The following ANKHD1 variants were observed in gnomAD, a reference collection of about 807,000 sequenced individuals.
ANKHD1 encodes ankyrin repeat and KH domain containing 1.
ANKHD1 carries 31 observed loss-of-function variants against 230.5 expected under a neutral mutation model. The observed-to-expected ratio is 0.13, with a 90% CI of 0.10 to 0.18. The LOEUF (loss-of-function observed/expected upper bound fraction) is 0.18, where lower values mean the gene tolerates loss of function less well. ANKHD1 is among the 10% of genes least tolerant of loss of function. The pLI, the probability that ANKHD1 is intolerant of heterozygous loss-of-function variation, is 1.00. For synonymous variants in ANKHD1, 1,074 were observed against 1,117.6 expected, an observed-to-expected ratio of 0.96 and a Z score of 0.78; for missense variants, 2,256 against 3,071.3, an observed-to-expected ratio of 0.73 and a Z score of 6.27.
At chr5:140,432,743 C>T (rs1244286701) in intron 1 of ANKHD1, among the ~76,000 whole-genome samples, 3 of 151,956 alleles carry the variant, frequency 2.0e-5, no homozygotes, top group Admixed American at 2.0e-4. Context: ...GTGTCTTGCT[C>T]TGTCATCCAC....
At chr5:140,453,507 C>T (rs1190604514) in intron 7 of ANKHD1, among the ~76,000 whole-genome samples, 1 of 152,150 alleles carries the variant, frequency 6.6e-6, no homozygotes, top group Non-Finnish European at 1.5e-5. Context: ...AGACTAACAG[C>T]GGATCTCTTG....
At chr5:140,486,770 C>G (rs905150710) in intron 13 of ANKHD1, 188 bp from the exon 14 acceptor site, 2 of 443,586 alleles carry the variant, frequency 4.5e-6, no homozygotes, top group Admixed American at 3.7e-5. Flanking sequence ...TTTGTAGATT[C>G]CCCGACTGTC....
chr5:140,475,780 T>TG (rs1750933577), intron 10 of ANKHD1, among the ~76,000 whole-genome samples: 1 of 152,130 alleles, frequency 6.6e-6, no homozygotes, highest in African/African-American at 2.4e-5. Context: ...AAACATCTGA[T>TG]GAGGAGTACA....
At chr5:140,489,272 C>T (rs1278828156) in intron 14 of ANKHD1, among the ~76,000 whole-genome samples, 1 of 151,692 alleles carries the variant, frequency 6.6e-6, no homozygotes, top group Non-Finnish European at 1.5e-5. Context: ...CTTTGGGAGG[C>T]CGAGGCAGAA....
intron 10 of ANKHD1, among the ~76,000 whole-genome samples, chr5:140,480,932 T>A (rs114004684): frequency 6.6e-6 from 1 of 152,196 alleles, no homozygotes; most frequent in Non-Finnish European, 1.5e-5. Flanking sequence ...ATGATTGCAG[T>A]TTATGAAGGA....
chr5:140,466,158 G>T (rs7449225), intron 10 of ANKHD1, among the ~76,000 whole-genome samples: 1 of 152,004 alleles, frequency 6.6e-6, no homozygotes, highest in Non-Finnish European at 1.5e-5. Context: ...TTGGGATGCC[G>T]AGGTGGGTGG....
At chr5:140,513,541 G>C in intron 24 of ANKHD1, 62 bp downstream of exon 24, 1 of 1,543,272 alleles carries the variant, frequency 6.5e-7, no homozygotes, top group Non-Finnish European at 8.8e-7. Flanking sequence ...GGGCACGGTG[G>C]CTCACGCCTA....
At chr5:140,406,195 G>A (rs913445211) in intron 1 of ANKHD1, among the ~76,000 whole-genome samples, 2 of 151,044 alleles carry the variant, frequency 1.3e-5, no homozygotes, top group South Asian at 2.1e-4. Flanking sequence ...CCGAGATCAC[G>A]CCACTGCCCT....
At chr5:140,509,542 C>A in intron 20 of ANKHD1, 95 bp from the exon 21 acceptor site, 1 of 1,367,898 alleles carries the variant, frequency 7.3e-7, no homozygotes, top group Non-Finnish European at 9.5e-7. Context: ...TTAATTGCCT[C>A]AGGTTTTTAA....
At chr5:140,421,489 C>T (rs967510027) in intron 1 of ANKHD1, among the ~76,000 whole-genome samples, 7 of 151,706 alleles carry the variant, frequency 4.6e-5, no homozygotes, top group Admixed American at 1.3e-4. Context: ...TTAGTAGAGA[C>T]GAGGTTTCAC....
At chr5:140,449,175 G>A (rs1365819427) in intron 6 of ANKHD1, 36 bp from the exon 7 acceptor site, 6 of 1,553,980 alleles carry the variant, frequency 3.9e-6, no homozygotes, top group Non-Finnish European at 5.2e-6. Context: ...TAAACTGATA[G>A]TGAATTCTTT....
In ANKHD1 at chr5:140,528,671, A is replaced by G; in HGVS notation, c.5725A>G (p.Asn1909Asp). 1 of 1,614,152 alleles carries G rather than the reference A, an allele frequency of 6.2e-7. No individual in the cohort carries two copies. The highest frequency in any genetic ancestry group is 8.5e-7 in the Non-Finnish European group (1 of 1,180,030). The stretch of plus-strand genomic sequence containing the variant: ...CACAAATAGCTCTCCAAAGCATAAT[A>G]ACACAAGCCGTCTACCTAACCAGAA... ...GNTNSSPKHN[N>D]TSRLPNQNGT... The change falls in exon 29 of 34, where the codon AAC (asparagine) becomes GAC (aspartate). Residue 1909 changes from asparagine (N) to aspartate (D), a missense_variant. Physicochemically the swap from Asn to Asp is conservative, Grantham distance 23. This residue lies in a region of ANKHD1 where 778 missense variants were observed against 966.5 expected (regional missense o/e 0.80). Coordinates refer to ENST00000360839, the MANE Select transcript of ANKHD1 (RefSeq NM_017747.3).
In ANKHD1 at chr5:140,507,498, G is replaced by C. The variant is rs1447049978; in HGVS notation, c.3552-287G>C. Reference sequence around the variant, plus strand: ...AATTTTGTATTTGTAGTAGAGATGGGGTTTCTCCATGTTGGTCAGGCTGGT... The same window carrying C: ...AATTTTGTATTTGTAGTAGAGATGGCGTTTCTCCATGTTGGTCAGGCTGGT... On this transcript the variant is annotated intron_variant, in intron 19 of 33. Coordinates refer to ENST00000360839, the MANE Select transcript of ANKHD1 (RefSeq NM_017747.3). This position sits in a 1 kb window ranked among gnomAD's most constrained non-coding sequence, Gnocchi z 4.1. Among the ~76,000 whole-genome samples, 8 of 151,930 alleles carry C rather than the reference G, an allele frequency of 5.3e-5. No individual in the cohort carries two copies. The highest frequency in any genetic ancestry group is 1.5e-5 in the Non-Finnish European group (1 of 67,976).
chr5:140,478,895 C>T (rs982107590), intron 10 of ANKHD1, among the ~76,000 whole-genome samples: 6 of 152,076 alleles, frequency 3.9e-5, no homozygotes, highest in African/African-American at 1.4e-4. Flanking sequence ...CCGCCTGCCT[C>T]GGCCTCCTAA....
At chr5:140,429,016 C>T (rs1356872149) in intron 1 of ANKHD1, among the ~76,000 whole-genome samples, 2 of 151,488 alleles carry the variant, frequency 1.3e-5, no homozygotes, top group Non-Finnish European at 2.9e-5. Flanking sequence ...GAACTCCTGA[C>T]CTCAGGTGAT....
chr5:140,480,997 CAGGGAGGTCTTCCTTG>C (rs1394273634), intron 10 of ANKHD1, among the ~76,000 whole-genome samples: 18 of 152,084 alleles, frequency 1.2e-4, no homozygotes, highest in African/African-American at 4.3e-4. Flanking sequence ...TCAGGAAGTT[CAGGGAGGTCTTCCTTG>C]AGGAAATAAC....
intron 15 of ANKHD1, among the ~76,000 whole-genome samples, chr5:140,497,733 G>A (rs1752094230): frequency 6.6e-6 from 1 of 152,062 alleles, no homozygotes; most frequent in Non-Finnish European, 1.5e-5. Flanking sequence ...CCAATTAAAT[G>A]GGATGTTCAG....
intron 1 of ANKHD1, among the ~76,000 whole-genome samples, chr5:140,406,561 ATTTT>A (rs1401314294): frequency 7.1e-6 from 1 of 141,066 alleles, no homozygotes; most frequent in Non-Finnish European, 1.6e-5. Flanking sequence ...CTTTCAGTAC[ATTTT>A]TTTTTTTTTT....
chr5:140,539,168 A>G, intron 33 of ANKHD1, 85 bp downstream of exon 33: 1 of 1,521,396 alleles, frequency 6.6e-7, no homozygotes, highest in Non-Finnish European at 8.8e-7. Context: ...ACTGAATATC[A>G]AAAGTCATAA....
Sources: allele counts gnomAD v4.1 joint callset (sites outside exome capture counted in the v4.1 genomes callset), GRCh38; gene constraint gnomAD v4.1.1; regional missense constraint gnomAD v4.1.1; non-coding constraint Gnocchi (gnomAD v3.1); transcripts MANE v1.5; gene names NCBI Gene and HGNC (gene_info 2026-07-23, HGNC 2026-07-21).